The following STARD13 variants were observed in gnomAD, a reference collection of about 807,000 sequenced individuals.
STARD13 encodes StAR related lipid transfer domain containing 13.
STARD13 carries 62 observed loss-of-function variants against 106.4 expected under a neutral mutation model. The ratio of observed to expected loss-of-function variants is 0.58; its 90% CI spans 0.48 to 0.72. The LOEUF (loss-of-function observed/expected upper bound fraction) is 0.72. Among genes scored for constraint, STARD13 ranks in the 30% least tolerant of loss-of-function variants. The probability of loss-of-function intolerance (pLI) is 0.00; values close to 1 mark genes in which losing one functional copy is unlikely to be tolerated. For missense variants in STARD13, 1,387 were observed against 1,424.0 expected, an observed-to-expected ratio of 0.97 and a Z score of 0.42; for synonymous variants, 565 against 553.0, an observed-to-expected ratio of 1.02 and a Z score of -0.31.
At chr13:33,332,180 CCTCCCCACCTATCCACAGACA>C (rs1253866098) in intron 1 of STARD13, among the ~76,000 whole-genome samples, 2 of 152,224 alleles carry the variant, frequency 1.3e-5, no homozygotes, top group Non-Finnish European at 2.9e-5. Flanking sequence ...GCCCTGCCCA[CCTCCCCACCTATCCACAGACA>C]CTTCCACAGG....
At chr13:33,571,832 G>C in the STARD13 span, among the ~76,000 whole-genome samples, 1 of 152,072 alleles carries the variant, frequency 6.6e-6, no homozygotes, top group African/African-American at 2.4e-5. Flanking sequence ...ATATTTAAGA[G>C]GACCTGAAAC....
intron 1 of STARD13, among the ~76,000 whole-genome samples, chr13:33,172,232 T>TAA (rs760689193): frequency 6.6e-6 from 1 of 152,138 alleles, no homozygotes; most frequent in Non-Finnish European, 1.5e-5. Flanking sequence ...ATCTTATTTG[T>TAA]AAAAAAAATG....
chr13:33,463,704 C>T, the STARD13 span, among the ~76,000 whole-genome samples: 1 of 152,076 alleles, frequency 6.6e-6, no homozygotes, highest in Admixed American at 6.6e-5. Context: ...AGTGCTTTAT[C>T]CTTTTTGGGT....
At chr13:33,576,972 A>T in the STARD13 span, among the ~76,000 whole-genome samples, 2 of 152,188 alleles carry the variant, frequency 1.3e-5, no homozygotes, top group African/African-American at 4.8e-5. Flanking sequence ...ACTGATCTTT[A>T]AAAAACTCCC....
chr13:33,516,629 T>C, the STARD13 span, among the ~76,000 whole-genome samples: 4 of 152,098 alleles, frequency 2.6e-5, no homozygotes, highest in Non-Finnish European at 2.9e-5. Context: ...TTGGTCATCA[T>C]AAAGTCCTTC....
chr13:33,173,963 C>A (rs774494292), intron 1 of STARD13, among the ~76,000 whole-genome samples: 10 of 152,106 alleles, frequency 6.6e-5, no homozygotes, highest in Non-Finnish European at 1.3e-4. Flanking sequence ...TGTGTTGAGA[C>A]ATAAAATTCC....
the STARD13 span, among the ~76,000 whole-genome samples, chr13:33,475,483 T>C: frequency 1.3e-5 from 2 of 152,296 alleles, no homozygotes; most frequent in Admixed American, 1.3e-4. Context: ...CTAAGCTACC[T>C]TTGTCAAGCC....
intron 3 of STARD13, among the ~76,000 whole-genome samples, chr13:33,163,735 ATATATATAT>A (rs1238488941): frequency 1.5e-5 from 2 of 130,048 alleles, no homozygotes; most frequent in East Asian, 4.0e-4. Flanking sequence ...TATATAAAAC[ATATATATAT>A]AACATATATA....
At chr13:33,318,978 A>C (rs1185402502) in intron 1 of STARD13, among the ~76,000 whole-genome samples, 1 of 152,196 alleles carries the variant, frequency 6.6e-6, no homozygotes, top group East Asian at 1.9e-4. Context: ...ACCACTTTGG[A>C]AAACCATTTG....
At chr13:33,566,069 G>T in the STARD13 span, among the ~76,000 whole-genome samples, 2 of 148,332 alleles carry the variant, frequency 1.3e-5, no homozygotes, top group African/African-American at 4.9e-5. Context: ...TAAGTGTTAA[G>T]TGCTATCTTA....
the STARD13 span, among the ~76,000 whole-genome samples, chr13:33,528,591 T>C: frequency 6.6e-6 from 1 of 151,916 alleles, no homozygotes; most frequent in African/African-American, 2.4e-5. Flanking sequence ...ATATAATTTG[T>C]ATTGAATTTA....
chr13:33,409,760 A>G, the STARD13 span, among the ~76,000 whole-genome samples: 1 of 152,246 alleles, frequency 6.6e-6, no homozygotes, highest in Non-Finnish European at 1.5e-5. Context: ...AATACATTTC[A>G]GAACATGACA....
the STARD13 span, among the ~76,000 whole-genome samples, chr13:33,462,481 C>T: frequency 2.6e-5 from 4 of 152,162 alleles, no homozygotes; most frequent in Non-Finnish European, 4.4e-5. Flanking sequence ...TTGACTCACA[C>T]GATCACAAGG....
At chr13:33,123,625 G>C (rs1277831718) in intron 7 of STARD13, among the ~76,000 whole-genome samples, 1 of 152,194 alleles carries the variant, frequency 6.6e-6, no homozygotes, top group Non-Finnish European at 1.5e-5. Flanking sequence ...GAATACAAAT[G>C]GTTCATAATT....
intron 1 of STARD13, among the ~76,000 whole-genome samples, chr13:33,201,082 AAT>A (rs1422550101): frequency 1.1e-3 from 164 of 151,828 alleles, no homozygotes; most frequent in African/African-American, 3.0e-3. Context: ...AAAATAAAAA[AAT>A]AAAAAATAAA....
intron 1 of STARD13, among the ~76,000 whole-genome samples, chr13:33,193,842 A>G (rs1566064944): frequency 6.6e-6 from 1 of 152,148 alleles, no homozygotes; most frequent in East Asian, 1.9e-4. Flanking sequence ...TGTACTATTA[A>G]TTGAATTTAG....
chr13:33,663,731 T>A, the STARD13 span, among the ~76,000 whole-genome samples: 1 of 152,166 alleles, frequency 6.6e-6, no homozygotes, highest in South Asian at 2.1e-4. Context: ...AAATAGACAC[T>A]GAGTGGTCAA....
intron 1 of STARD13, among the ~76,000 whole-genome samples, chr13:33,212,361 C>A (rs1272326124): frequency 6.6e-6 from 1 of 152,188 alleles, no homozygotes; most frequent in East Asian, 1.9e-4. Context: ...CAGAGCATGC[C>A]TGCCTTGTTT....
chr13:33,668,958 C>A, the STARD13 span, among the ~76,000 whole-genome samples: 2 of 152,184 alleles, frequency 1.3e-5, no homozygotes, highest in Admixed American at 6.5e-5. Flanking sequence ...GTCTTAACAA[C>A]CCTGACAGGT....
Sources: allele counts gnomAD v4.1 joint callset (sites outside exome capture counted in the v4.1 genomes callset), GRCh38; gene constraint gnomAD v4.1.1; transcripts MANE v1.5; gene names NCBI Gene and HGNC (gene_info 2026-07-23, HGNC 2026-07-21).